Variants in SUGCT observed in about 807,000 individuals in gnomAD.
SUGCT encodes the protein succinyl-CoA:glutarate-CoA transferase, also known as succinyl-CoA:glutarate CoA-transferase.
In SUGCT, 41 loss-of-function variants were observed where a neutral mutation model predicts 55.0. That is an observed-to-expected ratio of 0.74 (90% CI 0.58 to 0.97). The LOEUF is 0.97. Ranked by LOEUF, SUGCT falls within the 50% of genes least tolerant of loss-of-function variation. The pLI, the probability that SUGCT is intolerant of heterozygous loss-of-function variation, is 0.00. For synonymous variants in SUGCT, 187 were observed against 200.4 expected, an observed-to-expected ratio of 0.93 and a Z score of 0.56; for missense variants, 568 against 547.8, an observed-to-expected ratio of 1.04 and a Z score of -0.37.
intron 13 of SUGCT, among the ~76,000 whole-genome samples, chr7:40,772,461 C>T (rs1789155495): frequency 6.6e-6 from 1 of 152,014 alleles, no homozygotes; most frequent in South Asian, 2.1e-4. Flanking sequence ...GCTAGATCTC[C>T]AGAGCATATC....
At chr7:40,965,457 A>G in the SUGCT span, 2 of 152,162 alleles carry the variant, frequency 1.3e-5, no homozygotes, top group Non-Finnish European at 2.9e-5. Context: ...CTCTGAAAAA[A>G]TAGGCAGAGT....
At chr7:40,411,544 T>C (rs766998372) in intron 9 of SUGCT, among the ~76,000 whole-genome samples, 1 of 152,146 alleles carries the variant, frequency 6.6e-6, no homozygotes, top group Non-Finnish European at 1.5e-5. Flanking sequence ...GATGTCCTCA[T>C]TGACATGCGG....
At chr7:40,731,433 A>C (rs1786881263) in intron 12 of SUGCT, among the ~76,000 whole-genome samples, 1 of 152,166 alleles carries the variant, frequency 6.6e-6, no homozygotes, top group African/African-American at 2.4e-5. Flanking sequence ...CTCCTTATTT[A>C]GGTTTTGGAA....
At chr7:40,521,130 A>T (rs1252595384) in intron 12 of SUGCT, among the ~76,000 whole-genome samples, 4 of 152,116 alleles carry the variant, frequency 2.6e-5, no homozygotes, top group Non-Finnish European at 4.4e-5. Context: ...CCTCATGTTC[A>T]GTTTGAATCC....
chr7:40,832,553 G>GTTTTTTTTTTTTTTTTT (rs1420713072), intron 13 of SUGCT, among the ~76,000 whole-genome samples: 1 of 133,580 alleles, frequency 7.5e-6, no homozygotes. Context: ...GTTTTCCAGG[G>GTTTTTTTTTTTTTTTTT]TTTTTTTTGT....
At chr7:40,685,406 T>C (rs1392090571) in intron 12 of SUGCT, among the ~76,000 whole-genome samples, 3 of 152,210 alleles carry the variant, frequency 2.0e-5, no homozygotes, top group African/African-American at 2.4e-5. Flanking sequence ...CTTCCTGAAT[T>C]GTCCTCTCAC....
chr7:40,635,550 T>C (rs1245487140), intron 12 of SUGCT, among the ~76,000 whole-genome samples: 1 of 152,152 alleles, frequency 6.6e-6, no homozygotes, highest in East Asian at 1.9e-4. Flanking sequence ...CAAATTAAAT[T>C]AACACAAAAT....
chr7:40,300,056 A>G (rs1794441802), intron 8 of SUGCT, among the ~76,000 whole-genome samples: 1 of 152,166 alleles, frequency 6.6e-6, no homozygotes, highest in African/African-American at 2.4e-5. Context: ...TGTCAGTCTA[A>G]TTTATTGAAA....
At chr7:40,497,281 TG>T (rs1439196978) in intron 12 of SUGCT, among the ~76,000 whole-genome samples, 1 of 152,204 alleles carries the variant, frequency 6.6e-6, no homozygotes, top group Non-Finnish European at 1.5e-5. Flanking sequence ...ATACACCTTT[TG>T]AGGGAGGAGA....
chr7:40,554,347 G>A (rs1583970748), intron 12 of SUGCT, among the ~76,000 whole-genome samples: 1 of 152,216 alleles, frequency 6.6e-6, no homozygotes, highest in Middle Eastern at 3.4e-3. Context: ...TTGTCATTTT[G>A]TTCATTCATA....
intron 13 of SUGCT, among the ~76,000 whole-genome samples, chr7:40,775,388 C>T (rs1789399473): frequency 6.6e-6 from 1 of 152,210 alleles, no homozygotes; most frequent in Admixed American, 6.5e-5. Flanking sequence ...AGTTTCTCTA[C>T]TGGAAAGGCA....
At chr7:40,203,369 A>G (rs1786728425) in intron 6 of SUGCT, among the ~76,000 whole-genome samples, 1 of 152,198 alleles carries the variant, frequency 6.6e-6, no homozygotes, top group Non-Finnish European at 1.5e-5. Flanking sequence ...TCTTTGCAAC[A>G]TTCTTTAAAG....
intron 8 of SUGCT, among the ~76,000 whole-genome samples, chr7:40,289,045 G>A (rs943910821): frequency 2.0e-5 from 3 of 151,950 alleles, no homozygotes; most frequent in South Asian, 4.1e-4. Flanking sequence ...TCCTCCTTCC[G>A]TATTATCACC....
chr7:40,513,047 G>A (rs1009579976), intron 12 of SUGCT, among the ~76,000 whole-genome samples: 2 of 152,088 alleles, frequency 1.3e-5, no homozygotes, highest in Admixed American at 6.6e-5. Context: ...ATGTAGATAC[G>A]CCTGTATACA....
chr7:40,987,838 A>G, the SUGCT span, among the ~76,000 whole-genome samples: 1 of 152,126 alleles, frequency 6.6e-6, no homozygotes, highest in Non-Finnish European at 1.5e-5. Context: ...TTTATTATCC[A>G]TCTGCACAGA....
chr7:40,490,426 C>T (rs911890343), intron 11 of SUGCT, among the ~76,000 whole-genome samples: 2 of 152,142 alleles, frequency 1.3e-5, no homozygotes, highest in South Asian at 2.1e-4. Context: ...CTTTGAGTTC[C>T]ACTTTTCCCA....
intron 6 of SUGCT, chr7:40,217,472 A>G: frequency 2.3e-6 from 1 of 443,812 alleles, no homozygotes; most frequent in South Asian, 1.6e-5. Context: ...CTGGTCTCCC[A>G]AAGTGCTGGG....
chr7:40,378,937 A>C (rs1356795801), intron 9 of SUGCT, among the ~76,000 whole-genome samples: 1 of 152,216 alleles, frequency 6.6e-6, no homozygotes, highest in African/African-American at 2.4e-5. Flanking sequence ...AAGTGTGACT[A>C]TTATCACATA....
intron 9 of SUGCT, among the ~76,000 whole-genome samples, chr7:40,358,037 C>T (rs777434208): frequency 2.6e-5 from 4 of 152,130 alleles, no homozygotes; most frequent in Non-Finnish European, 4.4e-5. Flanking sequence ...CCCATTAAAT[C>T]CTTAGCACAT....
Sources: gnomAD v4.1 joint callset for allele counts (sites outside exome capture counted in the v4.1 genomes callset) on GRCh38, gnomAD v4.1.1 for gene constraint, MANE v1.5 for transcripts, NCBI Gene and HGNC (gene_info 2026-07-23, HGNC 2026-07-21) for gene names.